CFAP36: variants seen among roughly 807,000 people sequenced by gnomAD.
CFAP36 encodes the protein cilia and flagella associated protein 36, also known as cilia- and flagella-associated protein 36.
CFAP36 carries 37 observed loss-of-function variants against 50.5 expected under a neutral mutation model. The observed-to-expected ratio is 0.73, with a 90% CI of 0.56 to 0.96. The LOEUF (loss-of-function observed/expected upper bound fraction) is 0.96, where lower values mean the gene tolerates loss of function less well. Ranked by LOEUF, CFAP36 falls within the 50% of genes least tolerant of loss-of-function variation. The pLI, the probability that CFAP36 is intolerant of heterozygous loss-of-function variation, is 0.00. For synonymous variants in CFAP36, 138 were observed against 128.2 expected, an observed-to-expected ratio of 1.08 and a Z score of -0.52; for missense variants, 407 against 396.2, an observed-to-expected ratio of 1.03 and a Z score of -0.23.
chr2:55,531,492 G>A (rs1684348337), intron 4 of CFAP36, among the ~76,000 whole-genome samples: 2 of 152,180 alleles, frequency 1.3e-5, no homozygotes, highest in South Asian at 2.1e-4. Flanking sequence ...TCCAGAGGAA[G>A]GGAGAGAAGG....
chr2:55,539,041 A>C (rs1281853734), intron 7 of CFAP36: 1 of 702,338 alleles, frequency 1.4e-6, no homozygotes, highest in East Asian at 4.3e-5. Context: ...GCCCTAGTAC[A>C]TGCCTAGCCT....
rs748785864 is a variant in CFAP36, at chr2:55,544,936, AGAG to A, written c.961_963del (p.Glu321del). 7 of 1,605,358 alleles carry A rather than the reference AGAG, an allele frequency of 4.4e-6. No homozygotes were observed. The highest frequency in any genetic ancestry group is 4.5e-5 in the East Asian group (2 of 44,816). ...TGACAGAGAAACCAGAAATGACAGCAGAGGAGAAGCAAACATTACTAAAGAGGA... is the reference window on the plus strand; with the variant it reads ...TGACAGAGAAACCAGAAATGACAGCAGAGAAGCAAACATTACTAAAGAGGA... On this transcript the variant is annotated inframe_deletion, in exon 10 of 10. Coordinates refer to ENST00000349456, the MANE Select transcript of CFAP36 (RefSeq NM_080667.7).
rs1338524665 is a variant in CFAP36, at chr2:55,544,266, A to G, written c.824A>G (p.Tyr275Cys). 2 of 1,613,878 alleles carry G rather than the reference A, an allele frequency of 1.2e-6. No homozygotes were observed. The highest frequency in any genetic ancestry group is 1.7e-5 in the Admixed American group (1 of 59,978). Residue 275 changes from tyrosine (Y) to cysteine (C), a missense_variant, in exon 9 of 10, where the codon TAT (tyrosine) becomes TGT (cysteine). Coordinates refer to ENST00000349456, the MANE Select transcript of CFAP36 (RefSeq NM_080667.7). ...GAAGAACTTCGGCAACGAGAACACT[A>G]TCTCAAGCAGAAGAGAGATAAGTTG... ...GTEELRQREH[Y>C]LKQKRDKLMS...
chr2:55,543,750 G>A (rs1399594702), intron 7 of CFAP36, among the ~76,000 whole-genome samples, 188 bp from the exon 8 acceptor site: 2 of 152,154 alleles, frequency 1.3e-5, no homozygotes, highest in African/African-American at 4.8e-5. Context: ...GCTCCTTAAG[G>A]ATAGAGACAT....
intron 6 of CFAP36, 128 bp from the exon 7 acceptor site, chr2:55,537,355 A>ACTT (rs1684514663): frequency 1.6e-6 from 1 of 607,794 alleles, no homozygotes; most frequent in Admixed American, 3.3e-5. Context: ...TGGGTGACAG[A>ACTT]GTGAGACTCT....
chr2:55,538,886 T>C (rs1249398296), intron 7 of CFAP36: 25 of 1,483,200 alleles, frequency 1.7e-5, no homozygotes, highest in Non-Finnish European at 8.9e-7. Context: ...GAAGAACTTC[T>C]ATAATTGAGA....
At chr2:55,525,660 C>A (rs936154345) in intron 3 of CFAP36, among the ~76,000 whole-genome samples, 2 of 150,646 alleles carry the variant, frequency 1.3e-5, no homozygotes, top group East Asian at 3.9e-4. Context: ...GATAGAGTTT[C>A]GCTCTTGTTG....
intron 3 of CFAP36, 75 bp from the exon 4 acceptor site, chr2:55,528,803 G>T: frequency 1.2e-6 from 1 of 803,922 alleles, no homozygotes; most frequent in East Asian, 2.5e-5. Context: ...CTGTTTTGCA[G>T]TAGAAATGGT....
chr2:55,541,204 ATGCTAGCTACTCGGGAGGCTGAGGC>A (rs1490041402), intron 7 of CFAP36, among the ~76,000 whole-genome samples: 1 of 151,282 alleles, frequency 6.6e-6, no homozygotes, highest in African/African-American at 2.4e-5. Context: ...AGTTCCTGTA[ATGCTAGCTACTCGGGAGGCTGAGGC>A]AGGAGAATCG....
chr2:55,533,708 A>AATATAT (rs1553454889), intron 4 of CFAP36, among the ~76,000 whole-genome samples, 165 bp from the exon 5 acceptor site: 1 of 138,922 alleles, frequency 7.2e-6, no homozygotes, highest in South Asian at 2.3e-4. Flanking sequence ...AAAAAAAAAA[A>AATATAT]ATATATATAT....
At chr2:55,523,669 G>C in intron 2 of CFAP36, 52 bp from the exon 3 acceptor site, 1 of 1,233,726 alleles carries the variant, frequency 8.1e-7, no homozygotes, top group Admixed American at 2.0e-5. Flanking sequence ...TATGCAAACT[G>C]TCATGTAGAA....
Position 55,544,998 on chromosome 2 carries a change from T to C in CFAP36, c.1019T>C (p.Ile340Thr). ...LLAEKLKEEV[I>T]NK Reference sequence around the variant, plus strand: ...GCAGAGAAACTCAAAGAAGAAGTTATTAATAAGTAATAATTAAGAACAATT... The same window carrying C: ...GCAGAGAAACTCAAAGAAGAAGTTACTAATAAGTAATAATTAAGAACAATT... The change falls in exon 10 of 10, where the codon ATT (isoleucine) becomes ACT (threonine). Residue 340 changes from isoleucine (I) to threonine (T), a missense_variant. Physicochemically the swap from Ile to Thr is moderately conservative, Grantham distance 89 (BLOSUM62 -1). Coordinates refer to ENST00000349456, the MANE Select transcript of CFAP36 (RefSeq NM_080667.7). The C allele has an allele frequency of 6.4e-7, 1 of 1,553,980 alleles. No individual in the cohort carries two copies. Among genetic ancestry groups the C allele is most frequent in the Non-Finnish European group, 8.8e-7 (1 of 1,137,648 alleles).
At chr2:55,541,194 A>C (rs1684630533) in intron 7 of CFAP36, among the ~76,000 whole-genome samples, 1 of 151,824 alleles carries the variant, frequency 6.6e-6, no homozygotes, top group Non-Finnish European at 1.5e-5. Flanking sequence ...CATCGTGGCA[A>C]GTTCCTGTAA....
intron 6 of CFAP36, among the ~76,000 whole-genome samples, chr2:55,536,883 T>C (rs968252400): frequency 6.6e-5 from 10 of 151,018 alleles, no homozygotes; most frequent in African/African-American, 2.2e-4. Flanking sequence ...TAGCTGGGAT[T>C]ATAGGTGCCT....
At chr2:55,540,429 C>A (rs1020963226) in intron 7 of CFAP36, among the ~76,000 whole-genome samples, 1 of 151,988 alleles carries the variant, frequency 6.6e-6, no homozygotes. Flanking sequence ...GAGTTTATTT[C>A]TGGGCTCTCT....
intron 1 of CFAP36, 64 bp downstream of exon 1, chr2:55,519,980 G>A: frequency 6.7e-7 from 1 of 1,481,926 alleles, no homozygotes; most frequent in Non-Finnish European, 9.4e-7. Flanking sequence ...CGGGCAGGGG[G>A]TTGGTAACCA....
chr2:55,527,941 G>A (rs983160395), intron 3 of CFAP36, among the ~76,000 whole-genome samples: 3 of 152,040 alleles, frequency 2.0e-5, no homozygotes, highest in Admixed American at 6.5e-5. Context: ...AGGCCAAGGT[G>A]GGCAGATTGC....
intron 3 of CFAP36, among the ~76,000 whole-genome samples, chr2:55,528,215 G>T (rs1424154737): frequency 1.3e-5 from 2 of 148,962 alleles, no homozygotes; most frequent in African/African-American, 5.1e-5. Context: ...TGTAATCATA[G>T]AATAATCATA....
intron 3 of CFAP36, among the ~76,000 whole-genome samples, chr2:55,528,527 G>A (rs1395817052): frequency 6.6e-6 from 1 of 151,878 alleles, no homozygotes; most frequent in Non-Finnish European, 1.5e-5. Flanking sequence ...CTGAGTAGCT[G>A]GGACTACAGG....
Sources: gnomAD v4.1 joint callset for allele counts (sites outside exome capture counted in the v4.1 genomes callset) on GRCh38, gnomAD v4.1.1 for gene constraint, MANE v1.5 for transcripts, NCBI Gene and HGNC (gene_info 2026-07-23, HGNC 2026-07-21) for gene names.